The following NRG3 variants were observed in gnomAD, a reference collection of about 807,000 sequenced individuals.
The protein encoded by NRG3 is neuregulin 3.
NRG3 carries 31 observed loss-of-function variants against 66.9 expected under a neutral mutation model. The observed-to-expected ratio is 0.46, with a 90% CI of 0.35 to 0.63. The LOEUF (loss-of-function observed/expected upper bound fraction) is 0.63, where lower values mean the gene tolerates loss of function less well. NRG3 is among the 20% of genes least tolerant of loss of function. NRG3 has a pLI of 0.00. For missense variants in NRG3, 910 were observed against 878.9 expected, an observed-to-expected ratio of 1.04 and a Z score of -0.45; for synonymous variants, 393 against 359.4, an observed-to-expected ratio of 1.09 and a Z score of -1.06.
intron 1 of NRG3, among the ~76,000 whole-genome samples, chr10:82,245,785 A>C (rs1156298842): frequency 6.6e-6 from 1 of 152,198 alleles, no homozygotes; most frequent in Non-Finnish European, 1.5e-5. Flanking sequence ...TTGAGAAGAT[A>C]AAGAATGAGG....
intron 5 of NRG3, 111 bp downstream of exon 5, chr10:82,951,682 T>C: frequency 1.1e-6 from 1 of 872,054 alleles, no homozygotes; most frequent in Non-Finnish European, 1.8e-6. Flanking sequence ...GAAATGGGTC[T>C]AGCAACAATC....
chr10:81,965,100 G>C (rs1336887042), intron 1 of NRG3, among the ~76,000 whole-genome samples: 2 of 152,184 alleles, frequency 1.3e-5, no homozygotes, highest in East Asian at 3.9e-4. Flanking sequence ...CAGACAACCA[G>C]CTGTGTTCCT....
chr10:82,817,667 T>A (rs576035915), intron 3 of NRG3, among the ~76,000 whole-genome samples: 1 of 152,210 alleles, frequency 6.6e-6, no homozygotes, highest in African/African-American at 2.4e-5. Flanking sequence ...AAAGAGCTAC[T>A]CTTGGTAAGG....
chr10:82,252,031 G>T (rs1376616236), intron 1 of NRG3, among the ~76,000 whole-genome samples: 2 of 152,186 alleles, frequency 1.3e-5, no homozygotes, highest in African/African-American at 4.8e-5. Context: ...CCTGCATGGT[G>T]CTGTGGACAG....
In NRG3 at chr10:82,172,828, C is replaced by T. The variant is rs553532688; in HGVS notation, c.824-185911C>T. On this transcript the variant is annotated intron_variant, in intron 1 of 8. Coordinates refer to ENST00000372141, the MANE Select transcript of NRG3 (RefSeq NM_001010848.4). The stretch of plus-strand genomic sequence containing the variant: ...ATCCTAACACTGGCCTTGTGATGGG[C>T]CCTCCCTGTCTCCCTTCTTTTACAT... 1.1e-4 allele frequency among the ~76,000 whole-genome samples: 17 copies of T among 152,212 alleles called. No individual in the cohort carries two copies. In the South Asian group the frequency reaches 3.3e-3, roughly 30 times the overall value.
chr10:82,719,014 C>T (rs538237047), intron 2 of NRG3, among the ~76,000 whole-genome samples: 5 of 152,212 alleles, frequency 3.3e-5, no homozygotes, highest in African/African-American at 4.8e-5. Context: ...TCTTCAAAAA[C>T]GTTTATGAGC....
chr10:82,100,320 A>C (rs2132101585), intron 1 of NRG3, among the ~76,000 whole-genome samples: 1 of 152,168 alleles, frequency 6.6e-6, no homozygotes, highest in Non-Finnish European at 1.5e-5. Context: ...GTCTTCTATT[A>C]ATAGGAACAA....
At chr10:82,352,395 C>T (rs1048844790) in intron 1 of NRG3, among the ~76,000 whole-genome samples, 4 of 152,174 alleles carry the variant, frequency 2.6e-5, no homozygotes, top group Non-Finnish European at 2.9e-5. Context: ...GCCTCCCAGA[C>T]GTGTGTGTTA....
chr10:82,021,792 G>C (rs2062073283), intron 1 of NRG3, among the ~76,000 whole-genome samples: 1 of 10,124 alleles, frequency 9.9e-5, no homozygotes, highest in South Asian at 2.6e-3. Flanking sequence ...TAGTATGTGT[G>C]TGTGTGTGTG....
chr10:82,629,630 T>G (rs1787315875), intron 2 of NRG3, among the ~76,000 whole-genome samples: 1 of 152,196 alleles, frequency 6.6e-6, no homozygotes, highest in South Asian at 2.1e-4. Context: ...GCCATGGATG[T>G]ATATGCTTGA....
intron 2 of NRG3, among the ~76,000 whole-genome samples, chr10:82,389,266 A>G (rs1297142685): frequency 2.0e-5 from 3 of 152,204 alleles, no homozygotes; most frequent in Non-Finnish European, 4.4e-5. Flanking sequence ...GCTGACAGGA[A>G]TAGCATCATT....
intron 2 of NRG3, among the ~76,000 whole-genome samples, chr10:82,616,846 AACC>A (rs1455633783): frequency 3.3e-5 from 5 of 152,162 alleles, no homozygotes; most frequent in African/African-American, 1.2e-4. Flanking sequence ...CTCTGGCCCA[AACC>A]CTCTATTAGG....
intron 2 of NRG3, among the ~76,000 whole-genome samples, chr10:82,417,762 C>T (rs1276444361): frequency 1.3e-5 from 2 of 152,138 alleles, no homozygotes; most frequent in Admixed American, 6.5e-5. Flanking sequence ...TTATTATCAC[C>T]GCGAAGCCCA....
At chr10:82,323,681 T>G (rs2135172846) in intron 1 of NRG3, among the ~76,000 whole-genome samples, 1 of 152,188 alleles carries the variant, frequency 6.6e-6, no homozygotes, top group African/African-American at 2.4e-5. Flanking sequence ...ACAGAATTGG[T>G]GTTTTTTTAA....
At chr10:82,371,681 A>G (rs1168042935) in intron 2 of NRG3, among the ~76,000 whole-genome samples, 3 of 152,162 alleles carry the variant, frequency 2.0e-5, no homozygotes, top group Non-Finnish European at 4.4e-5. Flanking sequence ...TCTTTGGCTC[A>G]TGATTCTGAT....
chr10:81,919,729 G>A (rs1846072397), intron 1 of NRG3, among the ~76,000 whole-genome samples: 1 of 151,992 alleles, frequency 6.6e-6, no homozygotes, highest in Non-Finnish European at 1.5e-5. Context: ...CCAAAACCAA[G>A]GCAAATGAAG....
At chr10:82,355,002 A>G (rs7087918) in intron 1 of NRG3, among the ~76,000 whole-genome samples, 17,261 of 152,278 alleles carry the variant, frequency 0.11, 1,710 homozygotes, top group East Asian at 0.26. Context: ...CAATAGCTCT[A>G]TAACAAATTA....
At chr10:82,608,482 C>A (rs1444037798) in intron 2 of NRG3, among the ~76,000 whole-genome samples, 2 of 151,992 alleles carry the variant, frequency 1.3e-5, no homozygotes, top group African/African-American at 4.8e-5. Flanking sequence ...CTGGAAAATT[C>A]TTGATTATTA....
At chr10:82,594,867 G>A (rs1298489001) in intron 2 of NRG3, among the ~76,000 whole-genome samples, 1 of 150,868 alleles carries the variant, frequency 6.6e-6, no homozygotes, top group African/African-American at 2.4e-5. Context: ...CCCTACCATG[G>A]TATCATGGTC....
Sources: allele counts gnomAD v4.1 joint callset (sites outside exome capture counted in the v4.1 genomes callset), GRCh38; gene constraint gnomAD v4.1.1; transcripts MANE v1.5; gene names NCBI Gene and HGNC (gene_info 2026-07-23, HGNC 2026-07-21).